Variants in MIR2052HG observed in about 807,000 individuals in gnomAD.
MIR2052HG encodes MIR2052 host gene.
intron 2 of MIR2052HG, among the ~76,000 whole-genome samples, chr8:74,674,442 C>CA (rs1196813775): frequency 1.3e-5 from 2 of 150,862 alleles, no homozygotes; most frequent in Non-Finnish European, 1.5e-5. Context: ...AATTATAATG[C>CA]AAAAAAATAG....
intron 2 of MIR2052HG, among the ~76,000 whole-genome samples, chr8:74,696,425 A>C (rs1809296953): frequency 6.6e-6 from 1 of 152,154 alleles, no homozygotes; most frequent in African/African-American, 2.4e-5. Context: ...TAGAGGAACA[A>C]GAACAAACTA....
chr8:74,602,230 A>T (rs1808010903), intron 1 of MIR2052HG, among the ~76,000 whole-genome samples: 1 of 152,186 alleles, frequency 6.6e-6, no homozygotes, highest in East Asian at 1.9e-4. Flanking sequence ...GTGACCTTTG[A>T]TCATCCTCAC....
chr8:74,682,592 T>C (rs1436559149), intron 2 of MIR2052HG, among the ~76,000 whole-genome samples: 1 of 152,016 alleles, frequency 6.6e-6, no homozygotes, highest in Non-Finnish European at 1.5e-5. Context: ...AAAATGCAAA[T>C]AAAAGCTGCA....
At chr8:74,704,608 A>G (rs1042450955) in intron 4 of MIR2052HG, among the ~76,000 whole-genome samples, 6 of 151,914 alleles carry the variant, frequency 3.9e-5, no homozygotes, top group Admixed American at 6.6e-5. Flanking sequence ...AATCAACTTT[A>G]TTCTCCTCAG....
chr8:74,725,919 C>CT (rs776161243), intron 4 of MIR2052HG, among the ~76,000 whole-genome samples: 1 of 152,078 alleles, frequency 6.6e-6, no homozygotes, highest in African/African-American at 2.4e-5. Context: ...CAGCTACTGT[C>CT]TAACTCCACA....
chr8:74,665,727 C>A (rs779428841), intron 2 of MIR2052HG, among the ~76,000 whole-genome samples: 1 of 152,082 alleles, frequency 6.6e-6, no homozygotes, highest in Non-Finnish European at 1.5e-5. Context: ...ACAGCTGATA[C>A]GGTTTGGCTG....
chr8:74,718,568 T>C (rs1366739275), intron 4 of MIR2052HG, among the ~76,000 whole-genome samples: 4 of 152,176 alleles, frequency 2.6e-5, no homozygotes, highest in Admixed American at 6.5e-5. Flanking sequence ...ACTCACAAAC[T>C]GATGTGCAGA....
At position 74,693,440 on chromosome 8, in the gene MIR2052HG, G is replaced by T. The variant is rs573131870; in HGVS notation, n.217-8939G>T. On this transcript the variant is annotated intron_variant and non_coding_transcript_variant, in intron 2 of 6. Transcript: ENST00000523442. ...TCCTGGATAGAATCTAGGGGAGGGG[G>T]TGAAAGGGGAGTGCAGATATGAGCA... 6.9e-4 allele frequency among the ~76,000 whole-genome samples: 105 copies of T among 152,150 alleles called. 1 individual carries two copies. The highest frequency in any genetic ancestry group is 2.3e-3 in the African/African-American group (96 of 41,514).
At chr8:74,623,656 G>A (rs758043964) in intron 2 of MIR2052HG, among the ~76,000 whole-genome samples, 11 of 152,108 alleles carry the variant, frequency 7.2e-5, no homozygotes, top group Non-Finnish European at 1.5e-4. Context: ...CTATGACTGT[G>A]GTCAGCATAC....
intron 4 of MIR2052HG, among the ~76,000 whole-genome samples, chr8:74,703,856 G>A (rs1809381966): frequency 6.6e-6 from 1 of 152,002 alleles, no homozygotes; most frequent in Non-Finnish European, 1.5e-5. Flanking sequence ...GAATACAAAT[G>A]TGTATTTCCA....
chr8:74,671,100 C>G (rs2128738022), intron 2 of MIR2052HG, among the ~76,000 whole-genome samples: 1 of 143,264 alleles, frequency 7.0e-6, no homozygotes, highest in East Asian at 2.0e-4. Context: ...ATAGTTACAT[C>G]AATGAGAGTG....
intron 2 of MIR2052HG, among the ~76,000 whole-genome samples, chr8:74,660,268 A>T (rs1808847564): frequency 6.6e-6 from 1 of 152,136 alleles, no homozygotes; most frequent in African/African-American, 2.4e-5. Flanking sequence ...TTACTTTATT[A>T]TTTATTAACT....
At chr8:74,668,657 A>T (rs1441599748) in intron 2 of MIR2052HG, among the ~76,000 whole-genome samples, 2 of 152,246 alleles carry the variant, frequency 1.3e-5, no homozygotes, top group Non-Finnish European at 2.9e-5. Flanking sequence ...TTCTTCAGGA[A>T]CAAAGGAATT....
intron 2 of MIR2052HG, among the ~76,000 whole-genome samples, chr8:74,694,390 A>G (rs1041499563): frequency 6.6e-6 from 1 of 152,170 alleles, no homozygotes; most frequent in Non-Finnish European, 1.5e-5. Flanking sequence ...TCCCTCTCAC[A>G]TAGGTCTACC....
rs10628806 is a variant in MIR2052HG, at chr8:74,749,848, CA to C, written n.372-2575del. ...TGGAAGACAGAGTGAGACTCCATCT[CA>C]AAAAAAAAAAAAAAAAAGTATTGTA... is the stretch of plus-strand genomic sequence containing the variant. On this transcript the variant is annotated intron_variant and non_coding_transcript_variant, in intron 4 of 6. Coordinates refer to ENST00000523442, the Ensembl canonical transcript of MIR2052HG. 1.0e-3 allele frequency among the ~76,000 whole-genome samples: 108 copies of C among 107,736 alleles called. 1 individual carries two copies. Among genetic ancestry groups the C allele is most frequent in the Admixed American group, 1.9e-3 (18 of 9,642 alleles). 70.7% of individuals were successfully genotyped at this position (107,736 alleles called of 152,430 possible).
intron 2 of MIR2052HG, among the ~76,000 whole-genome samples, chr8:74,666,993 G>A (rs768637539): frequency 6.6e-6 from 1 of 152,156 alleles, no homozygotes; most frequent in Non-Finnish European, 1.5e-5. Flanking sequence ...TCATCCTAGC[G>A]CCTTTCCTCT....
At chr8:74,743,548 A>C (rs1284821947) in intron 4 of MIR2052HG, among the ~76,000 whole-genome samples, 1 of 152,334 alleles carries the variant, frequency 6.6e-6, no homozygotes, top group Admixed American at 6.5e-5. Flanking sequence ...AAGGATTTCC[A>C]GACCTCATAG....
intron 2 of MIR2052HG, among the ~76,000 whole-genome samples, chr8:74,661,710 A>T (rs1204570221): frequency 6.6e-6 from 1 of 152,190 alleles, no homozygotes; most frequent in Non-Finnish European, 1.5e-5. Flanking sequence ...ATGCAATGGC[A>T]TTCATCTGAA....
chr8:74,644,847 T>C (rs1318721742), intron 2 of MIR2052HG, among the ~76,000 whole-genome samples: 1 of 151,982 alleles, frequency 6.6e-6, no homozygotes, highest in African/African-American at 2.4e-5. Flanking sequence ...GCTATAATCA[T>C]GCCACTCCAC....
Sources: allele counts gnomAD v4.1 joint callset (sites outside exome capture counted in the v4.1 genomes callset), GRCh38; gene constraint gnomAD v4.1.1; transcripts MANE v1.5; gene names NCBI Gene and HGNC (gene_info 2026-07-23, HGNC 2026-07-21).